SUGCT: variants seen among roughly 807,000 people sequenced by gnomAD.
SUGCT encodes succinyl-CoA:glutarate-CoA transferase.
A neutral mutation model predicts 55.0 loss-of-function variants in SUGCT; 41 were observed. That is an observed-to-expected ratio of 0.74 (90% CI 0.58 to 0.97). The LOEUF (loss-of-function observed/expected upper bound fraction) is 0.97, where lower values mean the gene tolerates loss of function less well. SUGCT is among the 50% of genes least tolerant of loss of function. The pLI is 0.00. For missense variants in SUGCT, 568 were observed against 547.8 expected (o/e 1.04, Z -0.37); for synonymous variants, 187 against 200.4 (o/e 0.93, Z 0.56).
intron 12 of SUGCT, among the ~76,000 whole-genome samples, chr7:40,673,707 A>G (rs1015998652): frequency 5.2e-4 from 79 of 152,204 alleles, no homozygotes; most frequent in Non-Finnish European, 7.8e-4. Context: ...ATAGTCACCT[A>G]TCACTTAATA....
At chr7:40,218,879 T>A (rs1787842029) in intron 6 of SUGCT, among the ~76,000 whole-genome samples, 1 of 152,166 alleles carries the variant, frequency 6.6e-6, no homozygotes, top group Non-Finnish European at 1.5e-5. Context: ...CAGCAGCATG[T>A]GGGTGGGGCC....
At chr7:40,412,557 G>T (rs1339977302) in intron 9 of SUGCT, among the ~76,000 whole-genome samples, 2 of 152,092 alleles carry the variant, frequency 1.3e-5, no homozygotes, top group Admixed American at 6.6e-5. Context: ...AATTTGTTTA[G>T]ATTTCTTCTT....
chr7:40,766,751 C>T (rs1322023224), intron 13 of SUGCT, among the ~76,000 whole-genome samples: 3 of 152,126 alleles, frequency 2.0e-5, no homozygotes, highest in Admixed American at 1.3e-4. Context: ...GCAATCCAAT[C>T]CTATCCTCCT....
At chr7:40,214,451 T>C (rs1466458845) in intron 6 of SUGCT, among the ~76,000 whole-genome samples, 1 of 152,170 alleles carries the variant, frequency 6.6e-6, no homozygotes, top group African/African-American at 2.4e-5. Flanking sequence ...GTGAGAGAAC[T>C]GAGGCACAAA....
intron 11 of SUGCT, among the ~76,000 whole-genome samples, chr7:40,464,353 A>C (rs1789983148): frequency 6.6e-6 from 1 of 152,180 alleles, no homozygotes; most frequent in Non-Finnish European, 1.5e-5. Flanking sequence ...AATCATATGC[A>C]CAGTGGATTG....
At chr7:40,439,062 GTGTATATATA>G (rs1437828319) in intron 9 of SUGCT, among the ~76,000 whole-genome samples, 2,369 of 46,666 alleles carry the variant, frequency 0.051, 362 homozygotes, top group African/African-American at 0.11. Flanking sequence ...TATATATATG[GTGTATATATA>G]TATATATATA....
chr7:40,176,801 C>T (rs566557165), intron 1 of SUGCT, among the ~76,000 whole-genome samples: 15 of 151,828 alleles, frequency 9.9e-5, no homozygotes, highest in African/African-American at 3.6e-4. Context: ...GGCGAAACCC[C>T]GTCTCTACTA....
At chr7:40,854,467 T>TCTTTCTTC (rs1554436085) in intron 13 of SUGCT, among the ~76,000 whole-genome samples, 16 of 148,232 alleles carry the variant, frequency 1.1e-4, no homozygotes, top group African/African-American at 4.1e-4. Context: ...TTTCTTTCTT[T>TCTTTCTTC]CTTTCTTTCT....
At chr7:40,554,429 T>C (rs1795457688) in intron 12 of SUGCT, among the ~76,000 whole-genome samples, 1 of 152,226 alleles carries the variant, frequency 6.6e-6, no homozygotes, top group African/African-American at 2.4e-5. Context: ...GCATTTGTCT[T>C]AAAGACAACT....
At chr7:40,813,320 C>T (rs768267174) in intron 13 of SUGCT, among the ~76,000 whole-genome samples, 1 of 151,830 alleles carries the variant, frequency 6.6e-6, no homozygotes, top group Non-Finnish European at 1.5e-5. Flanking sequence ...TTGAAGTTCC[C>T]CACTATTATT....
At chr7:40,494,873 A>G (rs551619056) in intron 11 of SUGCT, among the ~76,000 whole-genome samples, 7 of 152,152 alleles carry the variant, frequency 4.6e-5, no homozygotes, top group African/African-American at 1.2e-4. Flanking sequence ...ATAGCAATCA[A>G]TGAAGTGTAC....
chr7:40,508,887 C>G (rs1194938359), intron 12 of SUGCT, among the ~76,000 whole-genome samples: 1 of 152,040 alleles, frequency 6.6e-6, no homozygotes, highest in East Asian at 1.9e-4. Flanking sequence ...ATTCTCTTTC[C>G]AGTTATTTCC....
chr7:40,563,553 AAGAG>A (rs1177061844), intron 12 of SUGCT, among the ~76,000 whole-genome samples: 4 of 151,720 alleles, frequency 2.6e-5, no homozygotes, highest in Non-Finnish European at 4.4e-5. Context: ...AAAAAAAAAA[AAGAG>A]AGAGAAAATA....
chr7:40,234,995 G>T (rs1353820579), intron 6 of SUGCT, among the ~76,000 whole-genome samples: 1 of 152,070 alleles, frequency 6.6e-6, no homozygotes, highest in East Asian at 1.9e-4. Context: ...GATAGGCATA[G>T]TGGAAATAAA....
At chr7:40,673,325 A>C (rs536842759) in intron 12 of SUGCT, among the ~76,000 whole-genome samples, 1 of 152,280 alleles carries the variant, frequency 6.6e-6, no homozygotes, top group East Asian at 1.9e-4. Flanking sequence ...TACTCTCACC[A>C]ACATGGATTC....
intron 12 of SUGCT, among the ~76,000 whole-genome samples, chr7:40,638,614 A>G (rs1258995533): frequency 2.0e-5 from 3 of 152,232 alleles, no homozygotes; most frequent in Admixed American, 6.5e-5. Flanking sequence ...GTACCCAAGA[A>G]TAATATGAAT....
chr7:40,499,111 CTG>C, intron 12 of SUGCT: 1 of 456,726 alleles, frequency 2.2e-6, no homozygotes, highest in Non-Finnish European at 4.4e-6. Context: ...GAACGCACCA[CTG>C]GCGCGTGTGG....
At chr7:40,137,169 C>G (rs890506440) in intron 1 of SUGCT, among the ~76,000 whole-genome samples, 1 of 152,000 alleles carries the variant, frequency 6.6e-6, no homozygotes, top group Non-Finnish European at 1.5e-5. Context: ...ACTCTGTCAC[C>G]GAGGCTGGAG....
chr7:40,700,498 A>G (rs1259015862), intron 12 of SUGCT, among the ~76,000 whole-genome samples: 1 of 152,226 alleles, frequency 6.6e-6, no homozygotes, highest in African/African-American at 2.4e-5. Flanking sequence ...ATAGGGCAAC[A>G]ACGCTGTTTA....
Sources: allele counts gnomAD v4.1 joint callset (sites outside exome capture counted in the v4.1 genomes callset), GRCh38; gene constraint gnomAD v4.1.1; transcripts MANE v1.5; gene names NCBI Gene and HGNC (gene_info 2026-07-23, HGNC 2026-07-21).